Variants in NALF1 observed in about 807,000 individuals in gnomAD.
NALF1 encodes the protein NALCN channel auxiliary factor 1.
Under a neutral mutation model 48.4 loss-of-function variants are expected in NALF1, and 3 were observed. The observed-to-expected ratio is 0.06, with a 90% CI of 0.03 to 0.16. NALF1 has a LOEUF of 0.16. Ranked by LOEUF, NALF1 falls within the 10% of genes least tolerant of loss-of-function variation. The probability of loss-of-function intolerance (pLI) is 1.00; values close to 1 mark genes in which losing one functional copy is unlikely to be tolerated. For missense variants in NALF1, 526 were observed against 571.5 expected (o/e 0.92, Z 0.81); for synonymous variants, 262 against 245.7 (o/e 1.07, Z -0.62).
At chr13:107,853,000 G>C (rs892387875) in intron 1 of NALF1, among the ~76,000 whole-genome samples, 1 of 152,014 alleles carries the variant, frequency 6.6e-6, no homozygotes, top group African/African-American at 2.4e-5. Context: ...AGACTATTAA[G>C]ATGAATTAAT....
At chr13:107,282,092 A>G (rs965801689) in intron 1 of NALF1, among the ~76,000 whole-genome samples, 4 of 152,164 alleles carry the variant, frequency 2.6e-5, no homozygotes, top group Admixed American at 2.0e-4. Context: ...TGCATGAGCA[A>G]CAAGGGGAGG....
intron 1 of NALF1, among the ~76,000 whole-genome samples, chr13:107,754,617 A>G (rs1038979866): frequency 6.6e-6 from 1 of 152,172 alleles, no homozygotes; most frequent in East Asian, 1.9e-4. Context: ...CTGTCAGCAC[A>G]TGAGTTTAAA....
At chr13:107,238,954 T>A (rs944021484) in intron 1 of NALF1, among the ~76,000 whole-genome samples, 2 of 152,012 alleles carry the variant, frequency 1.3e-5, no homozygotes, top group Admixed American at 1.3e-4. Flanking sequence ...TGGATTTTAA[T>A]GGTGCAAGAT....
At chr13:107,403,277 CA>C (rs1219605582) in intron 1 of NALF1, among the ~76,000 whole-genome samples, 1 of 128,254 alleles carries the variant, frequency 7.8e-6, no homozygotes, top group African/African-American at 2.9e-5. Context: ...GAAAACAACT[CA>C]AAATACAATT....
At chr13:107,632,753 T>C (rs933822631) in intron 1 of NALF1, among the ~76,000 whole-genome samples, 2 of 152,046 alleles carry the variant, frequency 1.3e-5, no homozygotes, top group African/African-American at 4.8e-5. Flanking sequence ...CAAGCACACA[T>C]AGTTATATAT....
At chr13:107,485,896 C>T (rs1885322046) in intron 1 of NALF1, among the ~76,000 whole-genome samples, 1 of 152,150 alleles carries the variant, frequency 6.6e-6, no homozygotes, top group South Asian at 2.1e-4. Context: ...CTCACCCTTC[C>T]TCTCCATCAC....
At chr13:107,643,447 G>A (rs1035122496) in intron 1 of NALF1, among the ~76,000 whole-genome samples, 7 of 151,444 alleles carry the variant, frequency 4.6e-5, no homozygotes, top group Non-Finnish European at 1.0e-4. Context: ...TTTCAAAGAT[G>A]TGTAAGTTAC....
intron 1 of NALF1, among the ~76,000 whole-genome samples, chr13:107,426,389 A>G (rs556215206): frequency 7.9e-5 from 12 of 152,318 alleles, no homozygotes; most frequent in African/African-American, 1.4e-4. Context: ...ATGAATAAAT[A>G]TGGTATAAAA....
intron 1 of NALF1, among the ~76,000 whole-genome samples, chr13:107,793,288 G>A (rs143391961): frequency 6.6e-5 from 10 of 152,146 alleles, no homozygotes; most frequent in African/African-American, 2.4e-4. Flanking sequence ...ATAGTTATCC[G>A]TGAATATCTT....
At chr13:107,375,928 A>T (rs1186219965) in intron 1 of NALF1, among the ~76,000 whole-genome samples, 1 of 151,902 alleles carries the variant, frequency 6.6e-6, no homozygotes, top group Admixed American at 6.6e-5. Flanking sequence ...TGCTATACAC[A>T]CACACACACA....
chr13:107,575,939 GTGTGTA>G (rs752166376), intron 1 of NALF1, among the ~76,000 whole-genome samples: 2 of 150,488 alleles, frequency 1.3e-5, no homozygotes, highest in Non-Finnish European at 3.0e-5. Context: ...GTGTGCATGT[GTGTGTA>G]TGTGTATGTG....
chr13:107,586,085 T>C (rs1171827037), intron 1 of NALF1, among the ~76,000 whole-genome samples: 5 of 151,992 alleles, frequency 3.3e-5, no homozygotes, highest in South Asian at 2.1e-4. Context: ...TTATATTGAA[T>C]ATAGAAGGCT....
At chr13:107,384,318 A>C (rs1053942869) in intron 1 of NALF1, among the ~76,000 whole-genome samples, 9 of 152,144 alleles carry the variant, frequency 5.9e-5, no homozygotes. Context: ...CTGTATTAGA[A>C]CAAGTACATC....
chr13:107,685,269 T>C (rs947504211), intron 1 of NALF1, among the ~76,000 whole-genome samples: 1 of 152,082 alleles, frequency 6.6e-6, no homozygotes, highest in South Asian at 2.1e-4. Flanking sequence ...AGCCAAGACC[T>C]GTGCCATTGC....
At chr13:107,686,075 G>A (rs1566443792) in intron 1 of NALF1, among the ~76,000 whole-genome samples, 1 of 152,258 alleles carries the variant, frequency 6.6e-6, no homozygotes, top group Non-Finnish European at 1.5e-5. Flanking sequence ...TCGAGGGGAG[G>A]ACGGCGGGGG....
intron 1 of NALF1, among the ~76,000 whole-genome samples, chr13:107,253,075 T>C (rs971448778): frequency 6.6e-6 from 1 of 152,130 alleles, no homozygotes; most frequent in Non-Finnish European, 1.5e-5. Context: ...TTAGTGAGTA[T>C]GAAATGTAAA....
intron 1 of NALF1, among the ~76,000 whole-genome samples, chr13:107,603,600 A>C (rs1878990959): frequency 6.6e-6 from 1 of 152,224 alleles, no homozygotes; most frequent in Non-Finnish European, 1.5e-5. Context: ...TTAATAACAG[A>C]TGAGTAATGA....
At chr13:107,524,414 T>A (rs565630100) in intron 1 of NALF1, among the ~76,000 whole-genome samples, 2 of 152,074 alleles carry the variant, frequency 1.3e-5, no homozygotes, top group Non-Finnish European at 2.9e-5. Context: ...AATAAAAAAG[T>A]ATGTGAAGGA....
chr13:107,664,835 T>G lies in NALF1; in HGVS notation c.915+200847A>C, dbSNP rs564593369. On this transcript the variant is annotated intron_variant, in intron 1 of 2. Transcript: ENST00000375915. ...TTTTTCTGTAAGTACTACTGCAGTT[T>G]TCCCAGGGTACCTTGAATTTGGTGT... Among the ~76,000 whole-genome samples, 6 of 152,300 alleles carry G rather than the reference T, an allele frequency of 3.9e-5. No homozygotes were observed. The South Asian group carries it at 1.2e-3, about 32-fold the overall frequency.
Sources: gnomAD v4.1 joint callset for allele counts (sites outside exome capture counted in the v4.1 genomes callset) on GRCh38, gnomAD v4.1.1 for gene constraint, MANE v1.5 for transcripts, NCBI Gene and HGNC (gene_info 2026-07-23, HGNC 2026-07-21) for gene names.